The following USP6NL variants were observed in gnomAD, a reference collection of about 807,000 sequenced individuals.
USP6NL encodes USP6 N-terminal like.
A neutral mutation model predicts 61.9 loss-of-function variants in USP6NL; 26 were observed. That is an observed-to-expected ratio of 0.42 (90% CI 0.31 to 0.58). USP6NL has a LOEUF of 0.58. Ranked by LOEUF, USP6NL falls within the 20% of genes least tolerant of loss-of-function variation. USP6NL has a pLI of 0.16. For synonymous variants in USP6NL, 432 were observed against 390.1 expected (o/e 1.11, Z -1.27); for missense variants, 1,114 against 1,034.3 (o/e 1.08, Z -1.06).
At chr10:11,599,573 C>A (rs540190652) in intron 1 of USP6NL, among the ~76,000 whole-genome samples, 2 of 152,226 alleles carry the variant, frequency 1.3e-5, no homozygotes, top group South Asian at 2.1e-4. Context: ...AATAAATGTA[C>A]ACAAATTTTA....
In USP6NL at chr10:11,489,811, C is replaced by G. The variant is rs1833633576; in HGVS notation, c.544-589G>C. Among the ~76,000 whole-genome samples the G allele has an allele frequency of 6.6e-6, 1 of 152,228 alleles. No individual in the cohort carries two copies. The highest frequency in any genetic ancestry group is 1.5e-5 in the Non-Finnish European group (1 of 68,036). The stretch of plus-strand genomic sequence containing the variant: ...CAGTTATTTGGTTGCACTGACTCAT[C>G]AGACACTGTCTCTATGAAATGTGAA... On this transcript the variant is annotated intron_variant, in intron 9 of 14. Coordinates refer to ENST00000609104, the MANE Select transcript of USP6NL (RefSeq NM_014688.5). The surrounding 1 kb of genome is among the most constrained non-coding windows in gnomAD (Gnocchi z 5.7).
chr10:11,585,499 A>G lies in USP6NL; in HGVS notation c.4+12132T>C, dbSNP rs1837931160. Among the ~76,000 whole-genome samples the G allele has an allele frequency of 6.6e-6, 1 of 152,030 alleles. No homozygotes were observed. Among genetic ancestry groups the G allele is most frequent in the Non-Finnish European group, 1.5e-5 (1 of 67,998 alleles). ...AACACAGTGAAACCCCGTGTCTACT[A>G]AAAATACAAAAAATTAGCTGGGCGT... On this transcript the variant is annotated intron_variant, in intron 2 of 14. Transcript: ENST00000609104. The surrounding 1 kb of genome is among the most constrained non-coding windows in gnomAD (Gnocchi z 4.5).
chr10:11,552,945 G>A (rs1836548996), intron 2 of USP6NL, among the ~76,000 whole-genome samples: 2 of 152,092 alleles, frequency 1.3e-5, no homozygotes, highest in South Asian at 4.2e-4. Context: ...AATGTATCCA[G>A]CAGGTAATTT....
At chr10:11,558,400 T>C (rs1241585441) in intron 2 of USP6NL, among the ~76,000 whole-genome samples, 1 of 152,224 alleles carries the variant, frequency 6.6e-6, no homozygotes, top group African/African-American at 2.4e-5. Flanking sequence ...CATGAGTGAA[T>C]ACATCCATTC....
intron 2 of USP6NL, among the ~76,000 whole-genome samples, chr10:11,568,374 A>T (rs955024478): frequency 6.6e-6 from 1 of 152,184 alleles, no homozygotes; most frequent in African/African-American, 2.4e-5. Context: ...ACATTCGCTG[A>T]CTTACCTAAA....
intron 4 of USP6NL, among the ~76,000 whole-genome samples, chr10:11,521,329 A>AT (rs930108360): frequency 9.9e-4 from 145 of 147,188 alleles, no homozygotes; most frequent in Non-Finnish European, 1.7e-3. Context: ...TTATATATAA[A>AT]ATATATATTA....
At chr10:11,609,794 A>T (rs1838825115) in intron 1 of USP6NL, among the ~76,000 whole-genome samples, 1 of 152,214 alleles carries the variant, frequency 6.6e-6, no homozygotes, top group Non-Finnish European at 1.5e-5. Context: ...TTGGTTCCCT[A>T]TAACGCCAGA....
chr10:11,473,025 G>T (rs186483309), intron 14 of USP6NL, among the ~76,000 whole-genome samples: 73 of 152,154 alleles, frequency 4.8e-4, no homozygotes, highest in Admixed American at 1.1e-3. Flanking sequence ...TACATTATAT[G>T]AATAAATAAA....
Position 11,562,164 on chromosome 10 carries a change from C to T in USP6NL, c.5-34597G>A, listed in dbSNP as rs1359960244. Among the ~76,000 whole-genome samples, 1 of 151,722 alleles carries T rather than the reference C, an allele frequency of 6.6e-6. No homozygotes were observed. The highest frequency in any genetic ancestry group is 2.4e-5 in the African/African-American group (1 of 41,252). On this transcript the variant is annotated intron_variant, in intron 2 of 14. Coordinates refer to ENST00000609104, the MANE Select transcript of USP6NL (RefSeq NM_014688.5). This position sits in a 1 kb window ranked among gnomAD's most constrained non-coding sequence, Gnocchi z 4.8. ...ATGTGGTGGCTGGCGCCTGTAATCC[C>T]AGCTACTTGGGAGGCTGAAGCCGGT...
Position 11,485,242 on chromosome 10 carries a change from A to T in USP6NL, c.760-8T>A. 4.0e-6 allele frequency: 6 copies of T among 1,517,106 alleles called. No homozygotes were observed. The highest frequency in any genetic ancestry group is 5.3e-6 in the Non-Finnish European group (6 of 1,137,654). The allele number at this position is 1,517,106 out of a possible 1,614,324, so 94.0% of individuals were successfully genotyped here. On this transcript the variant is annotated splice_region_variant and splice_polypyrimidine_tract_variant and intron_variant, in intron 11 of 14. Transcript: ENST00000609104. The surrounding 1 kb of genome is among the most constrained non-coding windows in gnomAD (Gnocchi z 4.8). ...GTAGATTTCTTGAGAATCCTGAAAA[A>T]ACAAAGAGCTCACAATTTATGGATT...
chr10:11,595,072 C>G lies in USP6NL; in HGVS notation c.4+2559G>C, dbSNP rs1300879783. ...CAGAAGCTGATTTTTTTAAAAGAAT[C>G]TGAAGTGGGAAGTAAGGCGTTAAGT... On this transcript the variant is annotated intron_variant, in intron 2 of 14. Coordinates refer to ENST00000609104, the MANE Select transcript of USP6NL (RefSeq NM_014688.5). This position sits in a 1 kb window ranked among gnomAD's most constrained non-coding sequence, Gnocchi z 5.3. Among the ~76,000 whole-genome samples, 1 of 152,146 alleles carries G rather than the reference C, an allele frequency of 6.6e-6. No individual in the cohort carries two copies. Among genetic ancestry groups the G allele is most frequent in the Non-Finnish European group, 1.5e-5 (1 of 68,034 alleles).
At chr10:11,483,648 A>AGGGGGG (rs1215682832) in intron 13 of USP6NL, among the ~76,000 whole-genome samples, 1 of 448 alleles carries the variant, frequency 2.2e-3, no homozygotes. Context: ...GGGGAGGGGG[A>AGGGGGG]GAGGGGGGAG....
In USP6NL at chr10:11,485,792, G is replaced by T. The variant is rs192062381; in HGVS notation, c.759+25C>A. 6 of 1,497,030 alleles carry T rather than the reference G, an allele frequency of 4.0e-6. No homozygotes were observed. In the East Asian group the frequency reaches 7.4e-5, roughly 19 times the overall value. 92.7% of individuals were successfully genotyped at this position (1,497,030 alleles called of 1,614,324 possible). On this transcript the variant is annotated intron_variant, in intron 11 of 14. Coordinates refer to ENST00000609104, the MANE Select transcript of USP6NL (RefSeq NM_014688.5). The surrounding 1 kb of genome is among the most constrained non-coding windows in gnomAD (Gnocchi z 4.8). ...TTTTTTGGGGGGTGGGTAGGTGGGT[G>T]TAAGTCAGTGGCACATCTACCTACC...
At chr10:11,479,708 T>C (rs1192883313) in intron 14 of USP6NL, among the ~76,000 whole-genome samples, 1 of 151,802 alleles carries the variant, frequency 6.6e-6, no homozygotes, top group African/African-American at 2.4e-5. Flanking sequence ...CCCGAGTAAC[T>C]GGGACTACAG....
intron 2 of USP6NL, among the ~76,000 whole-genome samples, chr10:11,594,672 G>A (rs1321682907): frequency 1.3e-5 from 2 of 151,922 alleles, no homozygotes; most frequent in Non-Finnish European, 2.9e-5. Flanking sequence ...CTTTGTCTCG[G>A]GCCACACTCT....
At chr10:11,546,914 T>C (rs987436559) in intron 2 of USP6NL, among the ~76,000 whole-genome samples, 1 of 152,250 alleles carries the variant, frequency 6.6e-6, no homozygotes, top group Non-Finnish European at 1.5e-5. Context: ...AAATAATGTC[T>C]GGAATGTGTG....
rs1295031281 is a variant in USP6NL, at chr10:11,463,265, G to C, written c.1663C>G (p.Pro555Ala). 31 of 1,613,604 alleles carry C rather than the reference G, an allele frequency of 1.9e-5. No homozygotes were observed. The highest frequency in any genetic ancestry group is 2.5e-5 in the Non-Finnish European group (30 of 1,179,900). Residue 555 changes from proline to alanine, a missense_variant, in exon 15 of 15, where the codon CCA (proline) becomes GCA (alanine). By Grantham distance (27) the Pro-to-Ala change is conservative. Coordinates refer to ENST00000609104, the MANE Select transcript of USP6NL (RefSeq NM_014688.5). This position sits in a 1 kb window ranked among gnomAD's most constrained non-coding sequence, Gnocchi z 6.3. The part of the protein sequence containing the change: ...GSTASQYDNV[P>A]GPELDSGASV... ...GCGCCGCTGTCCAGCTCCGGGCCTG[G>C]CACGTTGTCGTACTGCGATGCAGTG...
chr10:11,580,750 T>C (rs141976362), intron 2 of USP6NL, among the ~76,000 whole-genome samples: 13 of 152,210 alleles, frequency 8.5e-5, no homozygotes, highest in African/African-American at 2.9e-4. Context: ...AAGAATGACA[T>C]AGGAAAAGCT....
intron 14 of USP6NL, among the ~76,000 whole-genome samples, chr10:11,477,331 T>C (rs1011625426): frequency 1.3e-5 from 2 of 152,158 alleles, no homozygotes; most frequent in South Asian, 2.1e-4. Context: ...GAAATGAAAA[T>C]GTAGGATTGT....
Sources: gnomAD v4.1 joint callset for allele counts (sites outside exome capture counted in the v4.1 genomes callset) on GRCh38, gnomAD v4.1.1 for gene constraint, Gnocchi (gnomAD v3.1) non-coding constraint, MANE v1.5 for transcripts, NCBI Gene and HGNC (gene_info 2026-07-23, HGNC 2026-07-21) for gene names.